The following AGBL5 variants were observed in gnomAD, a reference collection of about 807,000 sequenced individuals.
AGBL5 encodes the protein cytosolic carboxypeptidase-like protein 5.
In AGBL5, 51 loss-of-function variants were observed where a neutral mutation model predicts 88.0. That is an observed-to-expected ratio of 0.58 (90% confidence interval 0.46 to 0.73). The LOEUF (loss-of-function observed/expected upper bound fraction) is 0.73, where lower values mean the gene tolerates loss of function less well. Among genes scored for constraint, AGBL5 ranks in the 30% least tolerant of loss-of-function variants. The pLI is 0.00. For synonymous variants in AGBL5, 446 were observed against 438.8 expected (o/e 1.02, Z -0.21); for missense variants, 1,031 against 1,162.2 (o/e 0.89, Z 1.64).
chr2:27,063,311 G>A (rs1041190065), intron 11 of AGBL5, among the ~76,000 whole-genome samples: 5 of 152,146 alleles, frequency 3.3e-5, no homozygotes, highest in African/African-American at 1.2e-4. Flanking sequence ...TGCTTGTCTC[G>A]GCCGGGCGTG....
intron 12 of AGBL5, 117 bp downstream of exon 12, chr2:27,067,763 C>A: frequency 9.0e-7 from 1 of 1,116,708 alleles, no homozygotes; most frequent in Non-Finnish European, 1.4e-6. Flanking sequence ...TATCCTAAAC[C>A]TCTAACACTG....
intron 12 of AGBL5, 23 bp downstream of exon 12, chr2:27,067,669 A>G (rs773185188): frequency 6.2e-7 from 1 of 1,607,508 alleles, no homozygotes; most frequent in South Asian, 1.1e-5. Flanking sequence ...TGCCACTGAA[A>G]TCTGGGTTTG....
Position 27,052,972 on chromosome 2 carries a change from G to C in AGBL5, c.14G>C (p.Cys5Ser). ...CCCAGCCCCACCATGGAGCTGCGCT[G>C]TGGGGGATTGCTGTTCAGTTCTCGC... MELR[C>S]GGLLFSSRFD... Residue 5 changes from cysteine to serine, a missense_variant, in exon 2 of 15, where the codon TGT becomes TCT. By Grantham distance (112) the Cys-to-Ser change is moderately radical (BLOSUM62 -1). Transcript: ENST00000360131. 6.2e-7 allele frequency: 1 copy of C among 1,607,978 alleles called. No individual in the cohort carries two copies. The highest frequency in any genetic ancestry group is 8.5e-7 in the Non-Finnish European group (1 of 1,176,056).
chr2:27,054,567 C>G (rs558747856), intron 4 of AGBL5, 63 bp from the exon 5 acceptor site: 15 of 1,510,152 alleles, frequency 9.9e-6, no homozygotes, highest in Non-Finnish European at 1.4e-5. Context: ...GGGCTGGTGA[C>G]AAGGCCTACC....
intron 11 of AGBL5, among the ~76,000 whole-genome samples, chr2:27,064,742 G>A (rs545327481): frequency 2.4e-3 from 267 of 112,744 alleles, no homozygotes; most frequent in African/African-American, 8.0e-3. Flanking sequence ...TTTCCATTTT[G>A]GTTTGGAACC....
At position 27,070,272 on chromosome 2, in the gene AGBL5, T is replaced by A; in HGVS notation, c.*9T>A. 1 of 1,613,770 alleles carries A rather than the reference T, an allele frequency of 6.2e-7. No individual in the cohort carries two copies. Among genetic ancestry groups the A allele is most frequent in the Non-Finnish European group, 8.5e-7 (1 of 1,179,630 alleles). On this transcript the variant is annotated 3_prime_UTR_variant, in exon 15 of 15. Transcript: ENST00000360131. ...TTTCTCCCCGGGTCTGATAATGCCT[T>A]TATGTTCAAGCCCAGGATATAGCCC...
chr2:27,052,928 CGGG>C lies in AGBL5; in HGVS notation c.-29_-27del. On this transcript the variant is annotated 5_prime_UTR_variant, in exon 2 of 15. Coordinates refer to ENST00000360131, the MANE Select transcript of AGBL5 (RefSeq NM_021831.6). ...TTTCCCCCAGCTCTCAGGGCCAGAG[CGGG>C]GCAGGAGGATGCTTTCCCAGCCCCA... 1 of 1,539,184 alleles carries C rather than the reference CGGG, an allele frequency of 6.5e-7. No homozygotes were observed. The highest frequency in any genetic ancestry group is 1.4e-5 in the African/African-American group (1 of 73,156).
chr2:27,057,413 G>C lies in AGBL5; in HGVS notation c.1646G>C (p.Arg549Thr). The C allele has an allele frequency of 6.2e-7, 1 of 1,613,202 alleles. No homozygotes were observed. The highest frequency in any genetic ancestry group is 8.5e-7 in the Non-Finnish European group (1 of 1,179,576). The change falls in exon 9 of 15, where the codon AGA becomes ACA. Residue 549 changes from arginine to threonine, a missense_variant. Physicochemically the swap from Arg to Thr is moderately conservative, Grantham distance 71. This residue lies in a region of AGBL5 where 491 missense variants were observed against 484.0 expected (regional missense o/e 1.01). Transcript: ENST00000360131. Reference protein sequence around the residue: ...SPPPPPAFPSRYTVELFEQVG... With the variant: ...SPPPPPAFPSTYTVELFEQVG... ...CCTCCCCCGCCGGCTTTCCCCTCCA[G>C]ATACACTGTGGAACTATTTGAGCAG...
At chr2:27,051,270 G>A (rs144923719), upstream of AGBL5, among the ~76,000 whole-genome samples, 3 of 152,302 alleles carry the variant, frequency 2.0e-5, no homozygotes, top group East Asian at 1.9e-4. Flanking sequence ...TAGCGGGATC[G>A]ATGCCCGCAT....
chr2:27,068,794 G>A, intron 13 of AGBL5, 50 bp downstream of exon 13: 1 of 1,604,006 alleles, frequency 6.2e-7, no homozygotes, highest in Non-Finnish European at 8.5e-7. Context: ...ACCCAGCAAG[G>A]CACTGTTCCT....
rs2148280727 is a variant in AGBL5 at position 27,057,354 on chromosome 2, T to G, written c.1587T>G (p.Pro529=). Residue 529 remains proline (P), a synonymous_variant, in exon 9 of 15, where the codon CCT becomes CCG. Transcript: ENST00000360131. ...CTGGACGCTCAGTAAACAGCATCCC[T>G]GCTGCCTGCCATGACAATGGGCGTG... ...YNTGRSVNSI[P]AACHDNGRAS... is the part of the protein sequence containing the mutation. The G allele has an allele frequency of 6.2e-7, 1 of 1,614,140 alleles. No individual in the cohort carries two copies. Among genetic ancestry groups the G allele is most frequent in the South Asian group, 1.1e-5 (1 of 91,058 alleles).
Position 27,058,428 on chromosome 2 carries a change from T to C in AGBL5, c.1700T>C (p.Leu567Pro), listed in dbSNP as rs759380939. Residue 567 changes from leucine to proline, a missense_variant, in exon 10 of 15, where the codon CTG becomes CCG. Coordinates refer to ENST00000360131, the MANE Select transcript of AGBL5 (RefSeq NM_021831.6). ...QVGRAMAIAA[L>P]DMAECNPWPR... ...GGACGAGCTATGGCCATTGCAGCCCTGGACATGGCGGAATGTAATCCGTGG... is the reference window on the plus strand; with the variant it reads ...GGACGAGCTATGGCCATTGCAGCCCCGGACATGGCGGAATGTAATCCGTGG... The C allele has an allele frequency of 1.2e-6, 2 of 1,613,574 alleles. No homozygotes were observed. The highest frequency in any genetic ancestry group is 1.7e-6 in the Non-Finnish European group (2 of 1,180,038).
upstream of AGBL5, chr2:27,050,883 TTTTTAACCTCA>T (rs1274050237): frequency 1.3e-5 from 2 of 152,246 alleles, no homozygotes; most frequent in African/African-American, 4.8e-5. Flanking sequence ...TCGTCTGTAA[TTTTTAACCTCA>T]ATTTAATTCA....
chr2:27,055,328 G>A, intron 6 of AGBL5, 75 bp downstream of exon 6: 1 of 1,545,630 alleles, frequency 6.5e-7, no homozygotes, highest in Non-Finnish European at 8.8e-7. Context: ...AATTCTGTCA[G>A]CCTTCTGGCT....
chr2:27,051,352 C>A (rs183584497), upstream of AGBL5: 62 of 152,324 alleles, frequency 4.1e-4, no homozygotes, highest in African/African-American at 1.5e-3. Context: ...CAGTGGGCTA[C>A]GTGTTTCATT....
At chr2:27,062,110 C>G (rs530148723) in intron 11 of AGBL5, among the ~76,000 whole-genome samples, 1 of 147,524 alleles carries the variant, frequency 6.8e-6, no homozygotes, top group South Asian at 2.2e-4. Flanking sequence ...CCACTGTGCC[C>G]ATCTAGGCCT....
intron 11 of AGBL5, among the ~76,000 whole-genome samples, chr2:27,064,220 C>T (rs1182914301): frequency 6.6e-6 from 1 of 151,882 alleles, no homozygotes; most frequent in African/African-American, 2.4e-5. Context: ...ACTATGGCCA[C>T]GAGTCTTGAC....
chr2:27,070,158 A>G lies in AGBL5; in HGVS notation c.2556A>G (p.Leu852=), dbSNP rs200219581. The change falls in exon 15 of 15, where the codon CTA becomes CTG. Residue 852 remains leucine (L), a synonymous_variant. Transcript: ENST00000360131. ...CCTTTTCTCCTATATCCTGTAGTCT[A>G]TCTGACTCCCCATCCTGGAATTGTT... ...APAFSPISCS[L]SDSPSWNCYS... is the part of the protein sequence containing the mutation. 1.8e-3 allele frequency: 2,970 copies of G among 1,614,106 alleles called. 6 individuals carry two copies. Among genetic ancestry groups the G allele is most frequent in the Non-Finnish European group, 2.0e-3 (2,350 of 1,179,994 alleles).
At position 27,053,808 on chromosome 2, in the gene AGBL5, GGT is replaced by G. The variant is rs1407917313; in HGVS notation, c.388-84_388-83del. The G allele has an allele frequency of 2.0e-6, 3 of 1,510,512 alleles. No individual in the cohort carries two copies. The highest frequency in any genetic ancestry group is 2.7e-6 in the Non-Finnish European group (3 of 1,120,106). The allele number at this position is 1,510,512 out of a possible 1,614,324, so 93.6% of individuals were successfully genotyped here. A position where few individuals can be genotyped will look rare whatever the true frequency, so the allele number is the denominator to read the frequency against. ...GAGGGAAGTTGGTAAAGGTGATAAG[GGT>G]GTGAGGTCAGTTCCTGGTGGTCCCA... On this transcript the variant is annotated intron_variant, in intron 3 of 14. Coordinates refer to ENST00000360131, the MANE Select transcript of AGBL5 (RefSeq NM_021831.6). This position sits in a 1 kb window ranked among gnomAD's most constrained non-coding sequence, Gnocchi z 4.9.
Sources: gnomAD v4.1 joint callset for allele counts (sites outside exome capture counted in the v4.1 genomes callset) on GRCh38, gnomAD v4.1.1 for gene constraint, gnomAD v4.1.1 regional missense constraint, Gnocchi (gnomAD v3.1) non-coding constraint, MANE v1.5 for transcripts, NCBI Gene and HGNC (gene_info 2026-07-23, HGNC 2026-07-21) for gene names.